Variants in TMEM207 observed in about 807,000 individuals in gnomAD.
TMEM207 encodes the protein SRSR846.
Under a neutral mutation model 17.4 loss-of-function variants are expected in TMEM207, and 15 were observed. The observed-to-expected ratio is 0.86, with a 90% CI of 0.58 to 1.33. The LOEUF is 1.33. Among genes scored for constraint, TMEM207 ranks in the 40% most tolerant of loss-of-function variants. The probability of loss-of-function intolerance (pLI) is 0.00; values close to 1 mark genes in which losing one functional copy is unlikely to be tolerated. For synonymous variants in TMEM207, 70 were observed against 65.6 expected, an observed-to-expected ratio of 1.07 and a Z score of -0.33; for missense variants, 205 against 173.8, an observed-to-expected ratio of 1.18 and a Z score of -1.01.
intron 4 of TMEM207, among the ~76,000 whole-genome samples, chr3:190,432,509 AC>A (rs1719712813): frequency 6.6e-6 from 1 of 152,230 alleles, no homozygotes; most frequent in Non-Finnish European, 1.5e-5. Context: ...ATGAGTCATT[AC>A]TATTATCATG....
chr3:190,430,248 G>C (rs1315969322), intron 4 of TMEM207, among the ~76,000 whole-genome samples: 1 of 151,788 alleles, frequency 6.6e-6, no homozygotes. Flanking sequence ...ACACAATAAA[G>C]AGAATATATT....
chr3:190,444,644 T>C (rs761575237), intron 2 of TMEM207, among the ~76,000 whole-genome samples: 2 of 152,206 alleles, frequency 1.3e-5, no homozygotes, highest in Non-Finnish European at 2.9e-5. Flanking sequence ...TTAAGCTTCC[T>C]AGCAGCTAGC....
chr3:190,440,419 G>A, intron 3 of TMEM207, 30 bp from the exon 4 acceptor site: 2 of 1,596,358 alleles, frequency 1.3e-6, no homozygotes, highest in Non-Finnish European at 1.7e-6. Flanking sequence ...AGAAAAGAAT[G>A]AGGTAGAGTA....
intron 1 of TMEM207, among the ~76,000 whole-genome samples, chr3:190,448,285 A>G (rs1720093814): frequency 6.6e-6 from 1 of 152,068 alleles, no homozygotes; most frequent in South Asian, 2.1e-4. Flanking sequence ...GGCATTAAAT[A>G]TATATTCATG....
rs540614917 is a variant in TMEM207 at position 190,445,745 on chromosome 3, C to T, written c.113+2045G>A. 7.9e-5 allele frequency among the ~76,000 whole-genome samples: 12 copies of T among 152,228 alleles called. No individual in the cohort carries two copies. The South Asian group carries it at 1.0e-3, about 13-fold the overall frequency. Reference sequence around the variant, plus strand: ...TTCACCATGTTGGCCAGGCTGGTCTCGAACTCCCCACCTCAGGTGATCCAC... The same window carrying T: ...TTCACCATGTTGGCCAGGCTGGTCTTGAACTCCCCACCTCAGGTGATCCAC... On this transcript the variant is annotated intron_variant, in intron 2 of 4. Transcript: ENST00000354905.
chr3:190,440,278 T>G lies in TMEM207; in HGVS notation c.270A>C (p.Ala90=). The change falls in exon 4 of 5, where the codon GCA becomes GCC. Residue 90 remains alanine, a synonymous_variant. Transcript: ENST00000354905. ...PRIDSHRRTM[A]VFAVGDLDSI... ...AGTCCAAGTCTCCAACAGCAAAAAC[T>G]GCCATGGTGCGCCTGTGAGAATCAA... 1.2e-6 allele frequency: 2 copies of G among 1,614,002 alleles called. No homozygotes were observed. The highest frequency in any genetic ancestry group is 2.2e-5 in the South Asian group (2 of 91,066).
chr3:190,448,036 A>G (rs944499489), intron 1 of TMEM207, among the ~76,000 whole-genome samples: 28 of 152,198 alleles, frequency 1.8e-4, no homozygotes, highest in African/African-American at 4.8e-4. Context: ...CAGAAGATAT[A>G]TATTGTGAAC....
At chr3:190,443,590 G>A (rs1719981980) in intron 2 of TMEM207, among the ~76,000 whole-genome samples, 2 of 151,692 alleles carry the variant, frequency 1.3e-5, no homozygotes, top group South Asian at 4.2e-4. Context: ...GAGAGGAAGA[G>A]GGGAATTCAC....
intron 4 of TMEM207, 41 bp from the exon 5 acceptor site, chr3:190,429,772 GC>G (rs1719650554): frequency 3.2e-6 from 5 of 1,541,456 alleles, no homozygotes. Flanking sequence ...TTTCTAGTGA[GC>G]ATAAAACATA....
intron 4 of TMEM207, among the ~76,000 whole-genome samples, chr3:190,439,872 T>A (rs6780239): frequency 0.84 from 128,125 of 152,222 alleles, 54,573 homozygotes; most frequent in African/African-American, 0.96. Flanking sequence ...AGTAAATGAA[T>A]TTATAAATAC....
chr3:190,441,408 T>A (rs1719934282), intron 3 of TMEM207, 30 bp downstream of exon 3: 1 of 1,561,964 alleles, frequency 6.4e-7, no homozygotes, highest in East Asian at 2.2e-5. Context: ...CCACCAACTG[T>A]CATATAAAAC....
intron 4 of TMEM207, among the ~76,000 whole-genome samples, chr3:190,430,459 A>T (rs939297404): frequency 1.3e-5 from 2 of 151,538 alleles, no homozygotes; most frequent in African/African-American, 4.8e-5. Flanking sequence ...ACAAAAAAAT[A>T]ATAGTGCTAT....
intron 4 of TMEM207, among the ~76,000 whole-genome samples, chr3:190,431,204 A>G (rs1719684989): frequency 6.6e-6 from 1 of 152,036 alleles, no homozygotes; most frequent in African/African-American, 2.4e-5. Flanking sequence ...CTATTACATA[A>G]TATTTCTTTA....
chr3:190,445,911 C>T lies in TMEM207; in HGVS notation c.113+1879G>A, dbSNP rs1720035414. 3.3e-5 allele frequency among the ~76,000 whole-genome samples: 5 copies of T among 152,244 alleles called. No individual in the cohort carries two copies. The South Asian group carries it at 1.0e-3, about 32-fold the overall frequency. The stretch of plus-strand genomic sequence containing the variant: ...CTTGGAACATAGAAGTTGATTAATA[C>T]ATATGTTTTTATTTCTAGCTAATCA... On this transcript the variant is annotated intron_variant, in intron 2 of 4. Coordinates refer to ENST00000354905, the MANE Select transcript of TMEM207 (RefSeq NM_207316.3).
chr3:190,437,822 A>C (rs1454322117), intron 4 of TMEM207, among the ~76,000 whole-genome samples: 1 of 151,472 alleles, frequency 6.6e-6, no homozygotes, highest in African/African-American at 2.4e-5. Flanking sequence ...GGCACTATTC[A>C]CAATAGCAAA....
intron 4 of TMEM207, among the ~76,000 whole-genome samples, chr3:190,439,859 C>T (rs1719890301): frequency 6.6e-6 from 1 of 152,118 alleles, no homozygotes; most frequent in South Asian, 2.1e-4. Context: ...GCATAGAAAG[C>T]TCAGTAAATG....
At chr3:190,438,316 T>C (rs1462197507) in intron 4 of TMEM207, among the ~76,000 whole-genome samples, 4 of 151,482 alleles carry the variant, frequency 2.6e-5, no homozygotes, top group African/African-American at 9.7e-5. Context: ...TTTTTGCCTG[T>C]TCTGAATGAT....
At position 190,444,329 on chromosome 3, in the gene TMEM207, T is replaced by G. The variant is rs1719999403; in HGVS notation, c.114-2847A>C. 3 of 710,814 alleles carry G rather than the reference T, an allele frequency of 4.2e-6. No homozygotes were observed. In the East Asian group the frequency reaches 4.0e-4, roughly 95 times the overall value. 44.0% of individuals were successfully genotyped at this position (710,814 alleles called of 1,614,324 possible). On this transcript the variant is annotated intron_variant, in intron 2 of 4. Coordinates refer to ENST00000354905, the MANE Select transcript of TMEM207 (RefSeq NM_207316.3). ...CGCAAGTTAGCATAGCTGGAAGTGG[T>G]AGAAGTAGGTTTTCAACCCAAATGC... is the stretch of plus-strand genomic sequence containing the variant.
intron 1 of TMEM207, 47 bp from the exon 2 acceptor site, chr3:190,447,874 T>A (rs759961781): frequency 7.0e-6 from 11 of 1,561,262 alleles, no homozygotes; most frequent in Non-Finnish European, 9.6e-6. Context: ...CTCATCAGTC[T>A]AATCCTTTAA....
Sources: allele counts gnomAD v4.1 joint callset (sites outside exome capture counted in the v4.1 genomes callset), GRCh38; gene constraint gnomAD v4.1.1; transcripts MANE v1.5; gene names NCBI Gene and HGNC (gene_info 2026-07-23, HGNC 2026-07-21).